Variants in CFAP107 observed in about 807,000 individuals in gnomAD.
CFAP107 encodes the protein cilia- and flagella-associated protein 107.
At chr1:12,760,638 A>T in the CFAP107 span, 1 of 885,666 alleles carries the variant, frequency 1.1e-6, no homozygotes, top group Non-Finnish European at 1.7e-6. Context: ...GGCCTCTGCC[A>T]GCCTTGGTCC....
At chr1:12,757,305 C>T in the CFAP107 span, among the ~76,000 whole-genome samples, 207 of 152,224 alleles carry the variant, frequency 1.4e-3, no homozygotes, top group Admixed American at 7.3e-3. Context: ...ACAGAACAGA[C>T]GATGGAATAT....
At chr1:12,747,031 C>T in the CFAP107 span, among the ~76,000 whole-genome samples, 1 of 151,384 alleles carries the variant, frequency 6.6e-6, no homozygotes, top group African/African-American at 2.4e-5. Context: ...TCTCTGGCAC[C>T]TTTCCACAAT....
chr1:12,758,476 G>A, the CFAP107 span, among the ~76,000 whole-genome samples: 1 of 152,118 alleles, frequency 6.6e-6, no homozygotes, highest in Non-Finnish European at 1.5e-5. Flanking sequence ...TAATGTCTGT[G>A]CCCACCCCCC....
the CFAP107 span, among the ~76,000 whole-genome samples, chr1:12,757,724 G>A: frequency 1.5e-3 from 234 of 152,182 alleles, 1 homozygote; most frequent in African/African-American, 5.1e-3. Context: ...CAAATTGCCT[G>A]CTTGTGGGAT....
the CFAP107 span, chr1:12,753,410 C>T: frequency 4.0e-5 from 6 of 150,348 alleles, no homozygotes; most frequent in South Asian, 2.1e-4. Context: ...TCCAAATGGC[C>T]AAAACAATCT....
chr1:12,759,716 C>G, the CFAP107 span: 9 of 602,954 alleles, frequency 1.5e-5, no homozygotes, highest in East Asian at 2.6e-4. Flanking sequence ...CACCTGTGCC[C>G]CATGGTGGCG....
At chr1:12,746,429 A>G in the CFAP107 span, 1 of 1,611,284 alleles carries the variant, frequency 6.2e-7, no homozygotes, top group South Asian at 1.1e-5. Flanking sequence ...CAAATCCTTA[A>G]CATGTTTTTG....
chr1:12,760,490 A>G, the CFAP107 span, among the ~76,000 whole-genome samples: 1 of 152,190 alleles, frequency 6.6e-6, no homozygotes, highest in African/African-American at 2.4e-5. Flanking sequence ...GAGGCCACGC[A>G]CAACCACACC....
the CFAP107 span, chr1:12,759,491 C>T: frequency 2.5e-6 from 4 of 1,613,988 alleles, no homozygotes; most frequent in Middle Eastern, 1.6e-4. Flanking sequence ...CTTCTTGGTA[C>T]CTTTATAATT....
the CFAP107 span, chr1:12,763,110 C>T: frequency 6.6e-6 from 1 of 152,110 alleles, no homozygotes; most frequent in Non-Finnish European, 1.5e-5. Context: ...CGCTTGAACC[C>T]AGGAGGCGGA....
At chr1:12,758,951 T>G in the CFAP107 span, among the ~76,000 whole-genome samples, 1 of 152,136 alleles carries the variant, frequency 6.6e-6, no homozygotes, top group Non-Finnish European at 1.5e-5. Flanking sequence ...TCATGAGACT[T>G]GAGACAAATC....
At chr1:12,761,068 G>A in the CFAP107 span, 1 of 1,014,508 alleles carries the variant, frequency 9.9e-7, no homozygotes, top group South Asian at 1.8e-5. Context: ...GCCCGTCAAA[G>A]GTGCTCTCAG....
chr1:12,750,939 A>C, the CFAP107 span, among the ~76,000 whole-genome samples: 7 of 152,218 alleles, frequency 4.6e-5, no homozygotes, highest in African/African-American at 1.7e-4. Context: ...GATTAAAATC[A>C]TACAAAGTAT....
the CFAP107 span, chr1:12,759,472 G>C: frequency 6.2e-7 from 1 of 1,614,160 alleles, no homozygotes; most frequent in South Asian, 1.1e-5. Flanking sequence ...AGAGAAGTCT[G>C]ACTTTCCCCT....
At chr1:12,759,190 G>T in the CFAP107 span, 1 of 1,152,940 alleles carries the variant, frequency 8.7e-7, no homozygotes, top group Non-Finnish European at 1.3e-6. Context: ...GCCAGCCCAC[G>T]GATGCCCGCT....
the CFAP107 span, chr1:12,761,093 T>G: frequency 2.3e-5 from 18 of 772,928 alleles, no homozygotes; most frequent in Non-Finnish European, 3.6e-5. Context: ...ATCATCTGCA[T>G]TTGGCGGTAC....
chr1:12,751,539 A>C, the CFAP107 span, among the ~76,000 whole-genome samples: 2,126 of 152,274 alleles, frequency 0.014, 18 homozygotes, highest in Non-Finnish European at 0.02. Context: ...AGGCAGGAGA[A>C]TTGCTTGAAC....
the CFAP107 span, chr1:12,746,317 C>A: frequency 2.8e-6 from 2 of 710,950 alleles, no homozygotes; most frequent in Non-Finnish European, 4.9e-6. Flanking sequence ...TTCAGGAGGC[C>A]AGCTGGGAAG....
chr1:12,755,874 C>G, the CFAP107 span: 6 of 1,162,222 alleles, frequency 5.2e-6, no homozygotes, highest in Middle Eastern at 2.0e-4. Flanking sequence ...TCAGGGGACA[C>G]CAGCCAGCTT....
Sources: gnomAD v4.1 joint callset for allele counts (sites outside exome capture counted in the v4.1 genomes callset) on GRCh38, gnomAD v4.1.1 for gene constraint, MANE v1.5 for transcripts, NCBI Gene and HGNC (gene_info 2026-07-23, HGNC 2026-07-21) for gene names.